Variants in GNB1 observed in about 807,000 individuals in gnomAD.
The protein encoded by GNB1 is G protein subunit beta 1.
A neutral mutation model predicts 42.9 loss-of-function variants in GNB1; 2 were observed. The observed-to-expected ratio is 0.05, with a 90% CI of 0.02 to 0.15. GNB1 has a LOEUF of 0.15. Among genes scored for constraint, GNB1 ranks in the 10% least tolerant of loss-of-function variants. The probability of loss-of-function intolerance (pLI) is 1.00; values close to 1 mark genes in which losing one functional copy is unlikely to be tolerated. For missense variants in GNB1, 193 were observed against 462.2 expected, an observed-to-expected ratio of 0.42 and a Z score of 5.34; for synonymous variants, 183 against 174.7, an observed-to-expected ratio of 1.05 and a Z score of -0.38.
chr1:1,867,295 G>A (rs1046103105), intron 1 of GNB1, among the ~76,000 whole-genome samples: 1 of 152,178 alleles, frequency 6.6e-6, no homozygotes, highest in Non-Finnish European at 1.5e-5. Flanking sequence ...TTACAAATTT[G>A]TGTTGGGCTG....
chr1:1,836,244 G>C (rs1647147767), intron 2 of GNB1, among the ~76,000 whole-genome samples: 1 of 152,110 alleles, frequency 6.6e-6, no homozygotes, highest in African/African-American at 2.4e-5. Flanking sequence ...ATTCTAATGG[G>C]GGCGTGGGCT....
chr1:1,798,694 A>T (rs1646580026), intron 7 of GNB1, among the ~76,000 whole-genome samples: 1 of 152,198 alleles, frequency 6.6e-6, no homozygotes, highest in Admixed American at 6.5e-5. Context: ...AGACTGGATC[A>T]GAGGGCTGGA....
chr1:1,799,427 T>C (rs1646594697), intron 7 of GNB1, among the ~76,000 whole-genome samples: 1 of 152,218 alleles, frequency 6.6e-6, no homozygotes, highest in African/African-American at 2.4e-5. Context: ...CAGCAACCTT[T>C]GATTACCAAT....
At chr1:1,877,493 A>G (rs1415259127) in intron 1 of GNB1, among the ~76,000 whole-genome samples, 1 of 151,660 alleles carries the variant, frequency 6.6e-6, no homozygotes, top group African/African-American at 2.4e-5. Flanking sequence ...TCCCTTTTTT[A>G]TAAAATTTTA....
chr1:1,796,224 C>T (rs1271376367), intron 7 of GNB1, among the ~76,000 whole-genome samples: 3 of 152,138 alleles, frequency 2.0e-5, no homozygotes, highest in Admixed American at 6.5e-5. Context: ...GTGTCCAGTG[C>T]GGCTGGAGAG....
chr1:1,814,489 G>A (rs995139579), intron 5 of GNB1, among the ~76,000 whole-genome samples: 1 of 152,010 alleles, frequency 6.6e-6, no homozygotes, highest in Non-Finnish European at 1.5e-5. Context: ...AGAAGAAAGG[G>A]GTATAATTTA....
chr1:1,855,653 C>G (rs919330737), intron 1 of GNB1, among the ~76,000 whole-genome samples: 3 of 151,640 alleles, frequency 2.0e-5, no homozygotes, highest in African/African-American at 7.3e-5. Context: ...CTGCAGTGAG[C>G]CGAGATCGCG....
At chr1:1,864,320 A>AAAG (rs1648795643) in intron 1 of GNB1, among the ~76,000 whole-genome samples, 1 of 147,756 alleles carries the variant, frequency 6.8e-6, no homozygotes, top group Non-Finnish European at 1.5e-5. Context: ...CTCTCAAAAA[A>AAAG]AAAAAAAAAA....
intron 1 of GNB1, among the ~76,000 whole-genome samples, chr1:1,866,717 G>A (rs181921354): frequency 6.6e-6 from 1 of 152,150 alleles, no homozygotes. Context: ...CACTTTGGGA[G>A]GCCGAAATGG....
intron 1 of GNB1, among the ~76,000 whole-genome samples, chr1:1,851,738 T>G (rs949955382): frequency 6.6e-6 from 1 of 152,138 alleles, no homozygotes; most frequent in African/African-American, 2.4e-5. Flanking sequence ...GGCAGTAGAC[T>G]GAATGTCTGT....
intron 1 of GNB1, among the ~76,000 whole-genome samples, chr1:1,847,490 C>T (rs1456108742): frequency 6.6e-6 from 1 of 152,196 alleles, no homozygotes; most frequent in Non-Finnish European, 1.5e-5. Flanking sequence ...ACCTCTCCTT[C>T]AGCCTCTAGA....
At chr1:1,864,314 CAAA>C (rs1173466617) in intron 1 of GNB1, among the ~76,000 whole-genome samples, 14 of 37,936 alleles carry the variant, frequency 3.7e-4, no homozygotes, top group African/African-American at 1.0e-3. Flanking sequence ...AAGACTCTCT[CAAA>C]AAAAAAAAAA....
At chr1:1,890,093 G>A (rs1217052481) in intron 1 of GNB1, among the ~76,000 whole-genome samples, 5 of 152,090 alleles carry the variant, frequency 3.3e-5, no homozygotes, top group Non-Finnish European at 7.4e-5. Context: ...GGCCGGGCCG[G>A]GGTCCGCGCA....
rs116116333 is a variant in GNB1, at chr1:1,859,774, C to T, written c.-95-20536G>A. On this transcript the variant is annotated intron_variant, in intron 1 of 11. Transcript: ENST00000378609. ...CTGTAATCCCAGCACTTTGGGAGGC[C>T]GAGAGGCGGGCAAATCAGGAGGTCA... Among the ~76,000 whole-genome samples, 1,266 of 151,412 alleles carry T rather than the reference C, an allele frequency of 8.4e-3. 21 individuals carry two copies. Among genetic ancestry groups the T allele is most frequent in the African/African-American group, 0.029 (1,214 of 41,242 alleles).
At chr1:1,875,089 G>A (rs1368538648) in intron 1 of GNB1, among the ~76,000 whole-genome samples, 4 of 152,160 alleles carry the variant, frequency 2.6e-5, no homozygotes, top group Non-Finnish European at 5.9e-5. Context: ...GAGCTCAGGT[G>A]GGAATGCTCG....
intron 3 of GNB1, among the ~76,000 whole-genome samples, chr1:1,819,631 T>C (rs1646904607): frequency 6.6e-6 from 1 of 151,946 alleles, no homozygotes; most frequent in Non-Finnish European, 1.5e-5. Flanking sequence ...CTCGACCTCC[T>C]GGGCTCAGGT....
rs1371218088 is a variant in GNB1, at chr1:1,804,423, G to A, written c.426C>T (p.His142=). The change falls in exon 7 of 12, where the codon CAC becomes CAT. Residue 142 remains histidine (H), a synonymous_variant. Transcript: ENST00000378609. ...NVRVSRELAG[H]TGYLSCCRFL... is the part of the protein sequence containing the mutation. ...CTTATGAACAAGGACAGGTACCTGT[G>A]TGTCCTGCCAGCTCACGACTCACGC... 1.2e-6 allele frequency: 2 copies of A among 1,612,650 alleles called. No homozygotes were observed. The highest frequency in any genetic ancestry group is 1.7e-5 in the Admixed American group (1 of 59,996).
At chr1:1,791,172 A>T (rs377692514) in intron 8 of GNB1, among the ~76,000 whole-genome samples, 8 of 141,928 alleles carry the variant, frequency 5.6e-5, no homozygotes, top group Non-Finnish European at 1.2e-4. Context: ...CACACCTGGT[A>T]TTTTTTTTTT....
intron 7 of GNB1, among the ~76,000 whole-genome samples, chr1:1,795,855 C>G (rs1646539861): frequency 6.6e-6 from 1 of 152,178 alleles, no homozygotes; most frequent in Non-Finnish European, 1.5e-5. Context: ...GCTTCTTACT[C>G]CAAGAACCAG....
Sources: allele counts gnomAD v4.1 joint callset (sites outside exome capture counted in the v4.1 genomes callset), GRCh38; gene constraint gnomAD v4.1.1; transcripts MANE v1.5; gene names NCBI Gene and HGNC (gene_info 2026-07-23, HGNC 2026-07-21).